ARPC1B: variants seen among roughly 807,000 people sequenced by gnomAD.
ARPC1B encodes the protein actin-related protein 2/3 complex subunit 1B.
A neutral mutation model predicts 46.0 loss-of-function variants in ARPC1B; 29 were observed. The observed-to-expected ratio is 0.63, with a 90% CI of 0.47 to 0.86. The LOEUF is 0.86. ARPC1B is among the 40% of genes least tolerant of loss of function. The pLI is 0.00. For missense variants in ARPC1B, 469 were observed against 529.4 expected, an observed-to-expected ratio of 0.89 and a Z score of 1.12; for synonymous variants, 201 against 213.9, an observed-to-expected ratio of 0.94 and a Z score of 0.53.
chr7:99,391,100 G>GT lies in ARPC1B; in HGVS notation c.707+2dup. 1.2e-6 allele frequency: 2 copies of GT among 1,612,806 alleles called. No individual in the cohort carries two copies. Among genetic ancestry groups the GT allele is most frequent in the Non-Finnish European group, 1.7e-6 (2 of 1,179,336 alleles). ...TGGCTGATGCCGACAAGAAGATGGC[G>GT]TGAGTCGAGGCCATCCCCAGGGGAG... is the stretch of plus-strand genomic sequence containing the variant. On this transcript the variant is annotated splice_donor_variant, in intron 6 of 9. Coordinates refer to ENST00000646101, the MANE Select transcript of ARPC1B (RefSeq NM_005720.4). LOFTEE classifies it high-confidence loss of function.
chr7:99,384,611 G>A (rs1794322005), intron 1 of ARPC1B, among the ~76,000 whole-genome samples: 1 of 152,180 alleles, frequency 6.6e-6, no homozygotes, highest in African/African-American at 2.4e-5. Context: ...CTCCCCAAGA[G>A]CCATCACCCA....
intron 1 of ARPC1B, among the ~76,000 whole-genome samples, chr7:99,377,113 GGGATCCT>G (rs1183236347): frequency 1.3e-5 from 2 of 151,928 alleles, no homozygotes; most frequent in African/African-American, 4.8e-5. Flanking sequence ...CTGGGCTCAA[GGGATCCT>G]CCTGAGTAGC....
At chr7:99,387,736 CAAAAA>C (rs35192470) in intron 3 of ARPC1B, among the ~76,000 whole-genome samples, 2 of 61,418 alleles carry the variant, frequency 3.3e-5, no homozygotes, top group Non-Finnish European at 3.5e-5. Flanking sequence ...GACTCTGTCT[CAAAAA>C]AAAAAAAAAA....
In ARPC1B at chr7:99,394,799, A is replaced by T; in HGVS notation, c.*310A>T. ...CTGTGTAAAAAAAAAAAAAAAAAAA[A>T]AAGTAATTATGGACATGCTTGCCTA... On this transcript the variant is annotated 3_prime_UTR_variant, in exon 10 of 10. Transcript: ENST00000646101. 8.1e-7 allele frequency: 1 copy of T among 1,227,276 alleles called. No individual in the cohort carries two copies. Among genetic ancestry groups the T allele is most frequent in the African/African-American group, 1.6e-5 (1 of 63,484 alleles). The allele number at this position is 1,227,276 out of a possible 1,614,324, so 76.0% of individuals were successfully genotyped here.
At position 99,394,074 on chromosome 7, in the gene ARPC1B, C is replaced by T. The variant is rs11556759; in HGVS notation, c.1035C>T (p.Phe345=). 3 of 1,613,702 alleles carry T rather than the reference C, an allele frequency of 1.9e-6. No individual in the cohort carries two copies. Among genetic ancestry groups the T allele is most frequent in the Non-Finnish European group, 1.7e-6 (2 of 1,180,038 alleles). Residue 345 remains phenylalanine (F), a synonymous_variant, in exon 9 of 10, where the codon TTC becomes TTT. Coordinates refer to ENST00000646101, the MANE Select transcript of ARPC1B (RefSeq NM_005720.4). ...LSGGKAKCSQ[F]CTTGMDGGMS... is the part of the protein sequence containing the mutation. The stretch of plus-strand genomic sequence containing the variant: ...GCGGCAAGGCCAAGTGCTCGCAGTT[C>T]TGCACCACTGGCATGGATGGCGGCA...
intron 4 of ARPC1B, 114 bp from the exon 5 acceptor site, chr7:99,389,791 C>T (rs1794508907): frequency 1.1e-6 from 1 of 914,928 alleles, no homozygotes; most frequent in East Asian, 2.4e-5. Context: ...CGCCTCTCTC[C>T]TGGGTCTTTG....
chr7:99,394,407 G>A lies in ARPC1B; in HGVS notation c.1081-44G>A, dbSNP rs368026108. Reference sequence around the variant, plus strand: ...TCAGGTCCCTGGGAGTGGGGTGCCTGCAGGACAGCTGAGAACCAGCCTGTC... The same window carrying A: ...TCAGGTCCCTGGGAGTGGGGTGCCTACAGGACAGCTGAGAACCAGCCTGTC... On this transcript the variant is annotated intron_variant, in intron 9 of 9. Transcript: ENST00000646101. 2.6e-6 allele frequency: 4 copies of A among 1,545,568 alleles called. No homozygotes were observed. In the African/African-American group the frequency reaches 4.1e-5, roughly 16 times the overall value.
intron 3 of ARPC1B, among the ~76,000 whole-genome samples, chr7:99,387,532 G>C (rs1179102227): frequency 6.6e-6 from 1 of 152,164 alleles, no homozygotes; most frequent in Non-Finnish European, 1.5e-5. Flanking sequence ...GAGGTCAGGA[G>C]TTCAAGACCA....
At position 99,394,535 on chromosome 7, in the gene ARPC1B, G is replaced by C; in HGVS notation, c.*46G>C. 6.2e-7 allele frequency: 1 copy of C among 1,613,826 alleles called. No homozygotes were observed. Among genetic ancestry groups the C allele is most frequent in the Non-Finnish European group, 8.5e-7 (1 of 1,179,936 alleles). On this transcript the variant is annotated 3_prime_UTR_variant, in exon 10 of 10. Transcript: ENST00000646101. The stretch of plus-strand genomic sequence containing the variant: ...TTCATCCTAGCTGCTGGGGAAGCGG[G>C]GAGAGGGGTCAGGGAGGCTAATGGT...
upstream of ARPC1B, chr7:99,374,380 G>C (rs1290432921): frequency 6.6e-6 from 1 of 152,106 alleles, no homozygotes; most frequent in African/African-American, 2.4e-5. This position sits in a 1 kb window ranked among gnomAD's most constrained non-coding sequence, Gnocchi z 5.0. Context: ...CGCCGTCCGG[G>C]CTCAGAGGAC....
chr7:99,390,702 A>ATT (rs557286731), intron 5 of ARPC1B, among the ~76,000 whole-genome samples, 191 bp from the exon 6 acceptor site: 1 of 143,336 alleles, frequency 7.0e-6, no homozygotes, highest in Middle Eastern at 3.7e-3. Context: ...TTTAAAAAAA[A>ATT]TTTTTTTTTT....
chr7:99,381,713 TC>T (rs1383865868), intron 1 of ARPC1B, among the ~76,000 whole-genome samples: 1 of 152,172 alleles, frequency 6.6e-6, no homozygotes, highest in Non-Finnish European at 1.5e-5. Flanking sequence ...GACAGGGCCT[TC>T]CAGGCAGTGA....
intron 3 of ARPC1B, among the ~76,000 whole-genome samples, chr7:99,387,724 G>A (rs1032111505): frequency 5.7e-5 from 8 of 140,280 alleles, no homozygotes; most frequent in Non-Finnish European, 1.2e-4. Context: ...GCGGCTGAGC[G>A]AGACTCTGTC....
At chr7:99,392,957 G>A in intron 8 of ARPC1B, 81 bp downstream of exon 8, 2 of 1,359,230 alleles carry the variant, frequency 1.5e-6, no homozygotes, top group South Asian at 2.9e-5. Flanking sequence ...GGGGCCTGGA[G>A]TCTTCCTCCT....
chr7:99,392,760 C>G lies in ARPC1B; in HGVS notation c.873C>G (p.Ser291Arg). The change falls in exon 8 of 10, where the codon AGC (serine) becomes AGG (arginine). Residue 291 changes from serine to arginine, a missense_variant. Physicochemically the swap from Ser to Arg is moderately radical, Grantham distance 110. Transcript: ENST00000646101. ...FGGRLDVPKQ[S>R]SQRGLTARER... Reference sequence around the variant, plus strand: ...GGCGGCTGGACGTTCCTAAGCAGAGCTCGCAGCGTGGCTTGACGGCCCGCG... The same window carrying G: ...GGCGGCTGGACGTTCCTAAGCAGAGGTCGCAGCGTGGCTTGACGGCCCGCG... 1 of 1,549,770 alleles carries G rather than the reference C, an allele frequency of 6.5e-7. No individual in the cohort carries two copies. Among genetic ancestry groups the G allele is most frequent in the Non-Finnish European group, 8.7e-7 (1 of 1,146,608 alleles).
intron 1 of ARPC1B, among the ~76,000 whole-genome samples, chr7:99,379,444 A>G (rs17161700): frequency 0.073 from 11,146 of 152,174 alleles, 576 homozygotes; most frequent in African/African-American, 0.15. Context: ...TCTATCCAAG[A>G]ACTGCCTGAG....
intron 4 of ARPC1B, 126 bp downstream of exon 4, chr7:99,388,387 C>G (rs1411564809): frequency 4.6e-6 from 4 of 871,164 alleles, no homozygotes; most frequent in Non-Finnish European, 7.1e-6. Context: ...TCCATCCTCT[C>G]CTCTCTGGGC....
intron 4 of ARPC1B, among the ~76,000 whole-genome samples, chr7:99,388,480 G>C (rs563288504): frequency 6.6e-6 from 1 of 152,204 alleles, no homozygotes; most frequent in Admixed American, 6.5e-5. Context: ...AACACATCTG[G>C]GGGCACCTCA....
intron 4 of ARPC1B, chr7:99,388,520 T>G: frequency 4.2e-6 from 2 of 478,900 alleles, no homozygotes; most frequent in Non-Finnish European, 3.8e-6. Flanking sequence ...TAGTCCTGAC[T>G]TCCCTGCAGC....
Sources: gnomAD v4.1 joint callset for allele counts (sites outside exome capture counted in the v4.1 genomes callset) on GRCh38, gnomAD v4.1.1 for gene constraint, Gnocchi (gnomAD v3.1) non-coding constraint, MANE v1.5 for transcripts, NCBI Gene and HGNC (gene_info 2026-07-23, HGNC 2026-07-21) for gene names.